GRIA3: variants seen among roughly 807,000 people sequenced by gnomAD.
The protein encoded by GRIA3 is glutamate receptor 3.
In GRIA3, 3 loss-of-function variants were observed where a neutral mutation model predicts 63.0. That is an observed-to-expected ratio of 0.05 (90% CI 0.02 to 0.12). GRIA3 has a LOEUF of 0.12. Ranked by LOEUF, GRIA3 falls within the 10% of genes least tolerant of loss-of-function variation. GRIA3 has a pLI of 1.00. For synonymous variants in GRIA3, 274 were observed against 257.9 expected, an observed-to-expected ratio of 1.06 and a Z score of -0.60; for missense variants, 347 against 700.9, an observed-to-expected ratio of 0.50 and a Z score of 5.70.
At chrX:123,480,934 G>A (rs186833224) in intron 14 of GRIA3, among the ~76,000 whole-genome samples, 1 of 110,991 alleles carries the variant, frequency 9.0e-6, no homozygotes, top group Admixed American at 9.6e-5. Context: ...TTCTTTTTTA[G>A]TTTCAATTTT....
chrX:123,475,508 G>A (rs1449103878), intron 13 of GRIA3, among the ~76,000 whole-genome samples: 3 of 111,703 alleles, frequency 2.7e-5, no homozygotes, highest in Non-Finnish European at 3.8e-5. Flanking sequence ...GTCTTAAGAC[G>A]GCTCTACTCA....
chrX:123,376,561 G>T lies in GRIA3; in HGVS notation c.751-18407G>T, dbSNP rs138382180. On this transcript the variant is annotated intron_variant, in intron 5 of 15. Coordinates refer to ENST00000620443, the MANE Select transcript of GRIA3 (RefSeq NM_007325.5). ...ACATAATACACTTTGAACCATGTTAGAAAGGAAACTGGTGAATGAGGAGTC... is the reference window on the plus strand; with the variant it reads ...ACATAATACACTTTGAACCATGTTATAAAGGAAACTGGTGAATGAGGAGTC... 2.0e-3 allele frequency among the ~76,000 whole-genome samples: 226 copies of T among 112,584 alleles called. 2 individuals carry two copies. Among genetic ancestry groups the T allele is most frequent in the African/African-American group, 7.1e-3 (220 of 31,030 alleles).
intron 3 of GRIA3, among the ~76,000 whole-genome samples, chrX:123,283,554 G>A (rs1193576754): frequency 9.0e-6 from 1 of 111,294 alleles, no homozygotes; most frequent in African/African-American, 3.3e-5. Flanking sequence ...CTGGAGCTTG[G>A]TGGGGGGAGG....
intron 13 of GRIA3, among the ~76,000 whole-genome samples, chrX:123,475,867 C>T (rs1485180936): frequency 9.0e-6 from 1 of 111,263 alleles, no homozygotes; most frequent in Non-Finnish European, 1.9e-5. Context: ...TTTGTGTATT[C>T]CATTGGAGAA....
At chrX:123,341,815 C>T (rs2045010498) in intron 4 of GRIA3, among the ~76,000 whole-genome samples, 2 of 112,079 alleles carry the variant, frequency 1.8e-5, no homozygotes. Flanking sequence ...GAGGCCACAC[C>T]TAAAGCAGGC....
At chrX:123,358,053 T>C (rs1028719096) in intron 5 of GRIA3, among the ~76,000 whole-genome samples, 1 of 110,521 alleles carries the variant, frequency 9.0e-6, no homozygotes, top group African/African-American at 3.3e-5. Flanking sequence ...TTACCCCAAA[T>C]GCCTCCATCA....
At chrX:123,332,616 G>C (rs62594107) in intron 4 of GRIA3, among the ~76,000 whole-genome samples, 1,663 of 111,054 alleles carry the variant, frequency 0.015, 15 homozygotes, top group Middle Eastern at 0.075. Context: ...AGATTCAACC[G>C]GAAGTCATCA....
In GRIA3 at chrX:123,432,556, C is replaced by A. The variant is rs191842473; in HGVS notation, c.2076+4417C>A. Among the ~76,000 whole-genome samples the A allele has an allele frequency of 2.8e-3, 318 of 111,606 alleles. 1 individual carries two copies. Among genetic ancestry groups the A allele is most frequent in the Middle Eastern group, 0.028 (6 of 217 alleles). ...AACCTGTGATATGCCTGTGCATATACCTGTGTGCGTAGGCTGCTGAGGCCC... is the reference window on the plus strand; with the variant it reads ...AACCTGTGATATGCCTGTGCATATAACTGTGTGCGTAGGCTGCTGAGGCCC... On this transcript the variant is annotated intron_variant, in intron 12 of 15. Transcript: ENST00000620443.
At chrX:123,267,811 G>C (rs1316205763) in intron 3 of GRIA3, among the ~76,000 whole-genome samples, 1 of 111,773 alleles carries the variant, frequency 8.9e-6, no homozygotes, top group Non-Finnish European at 1.9e-5. Context: ...GCTGAGCATG[G>C]GAAGTAAGGG....
intron 12 of GRIA3, among the ~76,000 whole-genome samples, chrX:123,429,249 C>A (rs968022344): frequency 8.9e-6 from 1 of 112,286 alleles, no homozygotes; most frequent in Non-Finnish European, 1.9e-5. Flanking sequence ...CATGTATTAT[C>A]ATGAGATTTG....
chrX:123,401,472 T>G (rs2045443115), intron 7 of GRIA3, among the ~76,000 whole-genome samples: 1 of 112,044 alleles, frequency 8.9e-6, no homozygotes, highest in South Asian at 3.7e-4. Flanking sequence ...GCTCACATTA[T>G]GTATCAGTCT....
intron 5 of GRIA3, among the ~76,000 whole-genome samples, chrX:123,378,911 T>G (rs938932642): frequency 9.4e-6 from 1 of 106,274 alleles, no homozygotes; most frequent in African/African-American, 3.4e-5. Context: ...ACTATTCAGA[T>G]TAGTTTTTTT....
At chrX:123,366,018 C>G (rs1469944710) in intron 5 of GRIA3, among the ~76,000 whole-genome samples, 1 of 111,401 alleles carries the variant, frequency 9.0e-6, no homozygotes, top group Non-Finnish European at 1.9e-5. Flanking sequence ...CCATTTTAGA[C>G]CATAGGGTAA....
At chrX:123,486,958 G>C (rs760540762) in intron 15 of GRIA3, among the ~76,000 whole-genome samples, 9 of 112,511 alleles carry the variant, frequency 8.0e-5, no homozygotes, top group Admixed American at 5.6e-4. Flanking sequence ...TAATAAAAGG[G>C]CATCCTTGAA....
intron 10 of GRIA3, among the ~76,000 whole-genome samples, chrX:123,412,659 G>A (rs2045513415): frequency 9.0e-6 from 1 of 111,582 alleles, no homozygotes; most frequent in Non-Finnish European, 1.9e-5. Context: ...AGGGAAGGGA[G>A]CTACAGATTC....
At chrX:123,324,218 G>A (rs1338052608) in intron 3 of GRIA3, among the ~76,000 whole-genome samples, 2 of 112,231 alleles carry the variant, frequency 1.8e-5, no homozygotes, top group Non-Finnish European at 3.8e-5. Context: ...GAGATTACGA[G>A]AAGGCTTATT....
intron 3 of GRIA3, among the ~76,000 whole-genome samples, chrX:123,269,069 A>T (rs2147293084): frequency 8.9e-6 from 1 of 112,089 alleles, no homozygotes; most frequent in African/African-American, 3.2e-5. Context: ...GAGTCAATGT[A>T]CCTTCCCATG....
intron 13 of GRIA3, among the ~76,000 whole-genome samples, chrX:123,466,392 C>A (rs959318216): frequency 8.9e-6 from 1 of 111,907 alleles, no homozygotes; most frequent in Non-Finnish European, 1.9e-5. Flanking sequence ...CATATAGAGA[C>A]TTTGCAGAGA....
intron 3 of GRIA3, among the ~76,000 whole-genome samples, chrX:123,281,316 C>T (rs1326017200): frequency 1.8e-5 from 2 of 111,405 alleles, no homozygotes; most frequent in Admixed American, 1.9e-4. Context: ...ATTGAGGACA[C>T]TTTACTTGTC....
Sources: gnomAD v4.1 joint callset for allele counts (sites outside exome capture counted in the v4.1 genomes callset) on GRCh38, gnomAD v4.1.1 for gene constraint, MANE v1.5 for transcripts, NCBI Gene and HGNC (gene_info 2026-07-23, HGNC 2026-07-21) for gene names.